The following C8orf34 variants were observed in gnomAD, a reference collection of about 807,000 sequenced individuals.
The protein encoded by C8orf34 is chromosome 8 open reading frame 34, also known as uncharacterized protein C8orf34.
C8orf34 carries 65 observed loss-of-function variants against 68.3 expected under a neutral mutation model. That is an observed-to-expected ratio of 0.95 (90% CI 0.78 to 1.17). The LOEUF (loss-of-function observed/expected upper bound fraction) is 1.17, where lower values mean the gene tolerates loss of function less well. Among genes scored for constraint, C8orf34 ranks in the 50% most tolerant of loss-of-function variants. The pLI is 0.00. For missense variants in C8orf34, 664 were observed against 655.4 expected (o/e 1.01, Z -0.14); for synonymous variants, 244 against 241.2 (o/e 1.01, Z -0.11).
chr8:68,603,004 C>T (rs1817743585), intron 7 of C8orf34, among the ~76,000 whole-genome samples: 1 of 152,128 alleles, frequency 6.6e-6, no homozygotes, highest in Non-Finnish European at 1.5e-5. Flanking sequence ...CCCTATTCAG[C>T]ATGTATAGCA....
intron 8 of C8orf34, among the ~76,000 whole-genome samples, chr8:68,695,338 A>G (rs1204927624): frequency 6.6e-6 from 1 of 151,948 alleles, no homozygotes; most frequent in Non-Finnish European, 1.5e-5. Context: ...TAGTAGAGAC[A>G]GGGTTTCACC....
intron 7 of C8orf34, among the ~76,000 whole-genome samples, chr8:68,547,883 A>G (rs1815938040): frequency 6.6e-6 from 1 of 151,758 alleles, no homozygotes; most frequent in African/African-American, 2.4e-5. Context: ...ATTACAGTCC[A>G]GAAATAGATC....
intron 7 of C8orf34, among the ~76,000 whole-genome samples, chr8:68,614,896 C>T (rs1216127314): frequency 1.3e-5 from 2 of 152,122 alleles, no homozygotes; most frequent in Non-Finnish European, 2.9e-5. Flanking sequence ...GCCATTTTCA[C>T]GATATTGATT....
At chr8:68,561,085 T>C (rs1816409823) in intron 7 of C8orf34, among the ~76,000 whole-genome samples, 1 of 151,546 alleles carries the variant, frequency 6.6e-6, no homozygotes, top group African/African-American at 2.4e-5. Flanking sequence ...AGGGTTCAGG[T>C]GATCCTTCCA....
At chr8:68,802,134 C>T (rs1333026480) in intron 12 of C8orf34, among the ~76,000 whole-genome samples, 1 of 151,868 alleles carries the variant, frequency 6.6e-6, no homozygotes, top group Non-Finnish European at 1.5e-5. Context: ...GAGTTTTGCT[C>T]TTGTTGCCCA....
intron 10 of C8orf34, among the ~76,000 whole-genome samples, chr8:68,739,867 T>C (rs201562244): frequency 1.3e-4 from 20 of 151,966 alleles, no homozygotes; most frequent in Non-Finnish European, 2.8e-4. Context: ...AACTATACTA[T>C]AGGGCTACAG....
intron 1 of C8orf34, among the ~76,000 whole-genome samples, chr8:68,386,245 A>G (rs997991781): frequency 1.3e-5 from 2 of 152,182 alleles, no homozygotes; most frequent in African/African-American, 4.8e-5. Flanking sequence ...AACAAAACAG[A>G]GCCTGAACTT....
chr8:68,717,206 T>C (rs1821499142), intron 9 of C8orf34, among the ~76,000 whole-genome samples: 1 of 152,112 alleles, frequency 6.6e-6, no homozygotes, highest in African/African-American at 2.4e-5. Flanking sequence ...ATGCCATTTT[T>C]ATAAAGCTCC....
rs184074237 is a variant in C8orf34 at position 68,334,882 on chromosome 8, C to T, written c.327+3543C>T. ...AAGCCTGCATCACTTATATATTTTG[C>T]TGTTGCCCAGCTTGCTCTTCTCTGG... On this transcript the variant is annotated intron_variant, in intron 1 of 13. Transcript: ENST00000518698. Among the ~76,000 whole-genome samples, 62 of 152,292 alleles carry T rather than the reference C, an allele frequency of 4.1e-4. 1 individual carries two copies. Among genetic ancestry groups the T allele is most frequent in the African/African-American group, 1.3e-3 (52 of 41,556 alleles).
At chr8:68,704,818 C>G (rs1368496661) in intron 8 of C8orf34, among the ~76,000 whole-genome samples, 1 of 149,810 alleles carries the variant, frequency 6.7e-6, no homozygotes, top group African/African-American at 2.5e-5. Flanking sequence ...ATACTTATGT[C>G]TTAACATGAG....
intron 7 of C8orf34, among the ~76,000 whole-genome samples, chr8:68,537,466 T>C (rs184610966): frequency 7.0e-6 from 1 of 143,176 alleles, no homozygotes; most frequent in Non-Finnish European, 1.5e-5. Context: ...TTTATTTTCT[T>C]TTTTTTTTTA....
chr8:68,540,746 G>A (rs1046478909), intron 7 of C8orf34, among the ~76,000 whole-genome samples: 1 of 152,168 alleles, frequency 6.6e-6, no homozygotes, highest in African/African-American at 2.4e-5. Flanking sequence ...GGAAGCTGAA[G>A]CAGGAGAATT....
intron 10 of C8orf34, among the ~76,000 whole-genome samples, chr8:68,754,850 T>A (rs1045850974): frequency 1.3e-5 from 2 of 152,240 alleles, no homozygotes; most frequent in African/African-American, 2.4e-5. Flanking sequence ...TCAGGGCAAC[T>A]GTACTATATA....
intron 1 of C8orf34, among the ~76,000 whole-genome samples, chr8:68,356,066 T>A (rs188825464): frequency 2.0e-5 from 3 of 152,192 alleles, no homozygotes; most frequent in Admixed American, 2.0e-4. Context: ...TTTAAATTGC[T>A]TGTATCTTCA....
chr8:68,781,393 A>G (rs764071252), intron 11 of C8orf34, among the ~76,000 whole-genome samples: 7 of 152,324 alleles, frequency 4.6e-5, no homozygotes, highest in Middle Eastern at 3.4e-3. Context: ...TAGTCCCTGT[A>G]CATTTGCTGT....
intron 1 of C8orf34, among the ~76,000 whole-genome samples, chr8:68,418,608 G>A (rs1191443949): frequency 6.6e-6 from 1 of 152,166 alleles, no homozygotes. Flanking sequence ...AACCAAAACA[G>A]CATGGTACTG....
At chr8:68,535,432 GATAA>G (rs1351586166) in intron 7 of C8orf34, 2 of 979,798 alleles carry the variant, frequency 2.0e-6, no homozygotes, top group Middle Eastern at 5.2e-4. Context: ...CTTGTGAAGT[GATAA>G]ATAAGTGAAA....
chr8:68,798,288 CTTTTTTT>C (rs10690187), intron 12 of C8orf34, among the ~76,000 whole-genome samples: 1 of 125,050 alleles, frequency 8.0e-6, no homozygotes, highest in Admixed American at 8.2e-5. Context: ...TTATGTCTGG[CTTTTTTT>C]TTTTTTTTTT....
intron 8 of C8orf34, among the ~76,000 whole-genome samples, chr8:68,675,997 A>C (rs1820177632): frequency 6.6e-6 from 1 of 152,190 alleles, no homozygotes; most frequent in South Asian, 2.1e-4. Flanking sequence ...AGATGATTAT[A>C]TAATAATGGG....
Sources: gnomAD v4.1 joint callset for allele counts (sites outside exome capture counted in the v4.1 genomes callset) on GRCh38, gnomAD v4.1.1 for gene constraint, MANE v1.5 for transcripts, NCBI Gene and HGNC (gene_info 2026-07-23, HGNC 2026-07-21) for gene names.